FAM120B: variants seen among roughly 807,000 people sequenced by gnomAD.
FAM120B encodes constitutive coactivator of peroxisome proliferator-activated receptor gamma.
FAM120B carries 83 observed loss-of-function variants against 96.3 expected under a neutral mutation model. The observed-to-expected ratio is 0.86, with a 90% CI of 0.72 to 1.03. The LOEUF is 1.03. Among genes scored for constraint, FAM120B ranks in the 50% least tolerant of loss-of-function variants. The probability of loss-of-function intolerance (pLI) is 0.00; values close to 1 mark genes in which losing one functional copy is unlikely to be tolerated. For synonymous variants in FAM120B, 407 were observed against 402.7 expected, an observed-to-expected ratio of 1.01 and a Z score of -0.13; for missense variants, 1,027 against 1,121.2, an observed-to-expected ratio of 0.92 and a Z score of 1.20.
intron 6 of FAM120B, among the ~76,000 whole-genome samples, chr6:170,376,919 C>T (rs1018431215): frequency 1.3e-5 from 2 of 150,050 alleles, no homozygotes; most frequent in African/African-American, 2.5e-5. Context: ...GCTTTGCACA[C>T]GCGTCCCTAA....
At chr6:170,376,557 G>A (rs140981370) in intron 6 of FAM120B, among the ~76,000 whole-genome samples, 1 of 152,244 alleles carries the variant, frequency 6.6e-6, no homozygotes, top group African/African-American at 2.4e-5. Flanking sequence ...ATGACCACGT[G>A]CAGCAGAGCG....
chr6:170,402,715 A>G (rs990045720), intron 9 of FAM120B, among the ~76,000 whole-genome samples: 3 of 152,192 alleles, frequency 2.0e-5, no homozygotes, highest in African/African-American at 4.8e-5. Flanking sequence ...CACCTACAGG[A>G]CCACTTTGAA....
intron 7 of FAM120B, 115 bp from the exon 8 acceptor site, chr6:170,390,898 C>T (rs1583307211): frequency 3.8e-6 from 3 of 798,490 alleles, no homozygotes; most frequent in East Asian, 5.3e-5. Flanking sequence ...ACCATTGCTG[C>T]CTCGCCTTGG....
At chr6:170,295,224 C>T, upstream of FAM120B, 1 of 544,708 alleles carries the variant, frequency 1.8e-6, no homozygotes, top group East Asian at 3.2e-5. The surrounding 1 kb of genome is among the most constrained non-coding windows in gnomAD (Gnocchi z 7.8). Context: ...TGTCTTTGGA[C>T]ACGTGAACAT....
At chr6:170,345,027 T>A (rs1002745118) in intron 4 of FAM120B, among the ~76,000 whole-genome samples, 4 of 152,214 alleles carry the variant, frequency 2.6e-5, no homozygotes, top group Non-Finnish European at 4.4e-5. Flanking sequence ...TTCAGTGTGC[T>A]CCACTGATTG....
chr6:170,385,549 G>A (rs1443757929), intron 6 of FAM120B, among the ~76,000 whole-genome samples: 12 of 152,178 alleles, frequency 7.9e-5, no homozygotes. Flanking sequence ...CTCCCTCCTT[G>A]CTGGTGGGAA....
At chr6:170,295,178 A>G (rs1783967693), upstream of FAM120B, 2 of 493,858 alleles carry the variant, frequency 4.0e-6, no homozygotes, top group South Asian at 6.0e-5. The surrounding 1 kb of genome is among the most constrained non-coding windows in gnomAD (Gnocchi z 7.8). Flanking sequence ...TCCTGGAGCT[A>G]TCATGGTTAC....
At chr6:170,342,185 T>C (rs187548388) in intron 4 of FAM120B, among the ~76,000 whole-genome samples, 1 of 151,858 alleles carries the variant, frequency 6.6e-6, no homozygotes, top group Non-Finnish European at 1.5e-5. Context: ...TTGTTTTTTG[T>C]TTTTTTTCCT....
rs71576512 is a variant in FAM120B, at chr6:170,398,514, G to A, written c.2692+2935G>A. On this transcript the variant is annotated intron_variant, in intron 9 of 10. Transcript: ENST00000476287. ...GTCATAACTCTTAGGAGTGAGTGGGGAAGGTAGAACTATGTCATAACTCTT... is the reference window on the plus strand; with the variant it reads ...GTCATAACTCTTAGGAGTGAGTGGGAAAGGTAGAACTATGTCATAACTCTT... Among the ~76,000 whole-genome samples the A allele has an allele frequency of 1.5e-3, 196 of 133,536 alleles. 1 individual carries two copies. The highest frequency in any genetic ancestry group is 0.01 in the Middle Eastern group (2 of 196). The allele number at this position is 133,536 out of a possible 152,430, so 87.6% of individuals were successfully genotyped here. A position where few individuals can be genotyped will look rare whatever the true frequency, so the allele number is the denominator to read the frequency against.
intron 1 of FAM120B, among the ~76,000 whole-genome samples, chr6:170,312,238 G>C (rs1784637497): frequency 1.3e-5 from 2 of 151,916 alleles, no homozygotes; most frequent in Non-Finnish European, 2.9e-5. Context: ...TTCTGCAAAT[G>C]GTTCGTTTTT....
intron 4 of FAM120B, among the ~76,000 whole-genome samples, chr6:170,340,051 G>A (rs1034492270): frequency 6.6e-6 from 1 of 152,066 alleles, no homozygotes; most frequent in Admixed American, 6.6e-5. Context: ...GTTAGGTTGG[G>A]GAAGTTCTCC....
rs146843731 is a variant in FAM120B at position 170,320,243 on chromosome 6, C to T, written c.1734+1119C>T. The stretch of plus-strand genomic sequence containing the variant: ...GGAAGCTCCTGCTCCTAGTCTGATG[C>T]AAAACTCAGGCCCGGACAGCAGCTG... On this transcript the variant is annotated intron_variant, in intron 2 of 10. Transcript: ENST00000476287. Among the ~76,000 whole-genome samples, 7 of 152,274 alleles carry T rather than the reference C, an allele frequency of 4.6e-5. No homozygotes were observed. In the East Asian group the frequency reaches 1.4e-3, roughly 29 times the overall value.
chr6:170,317,570 C>G lies in FAM120B; in HGVS notation c.180C>G (p.Cys60Trp). ...RYWYTPESWI[C>W]GGQWREYFSA... ...GGTATACTCCAGAATCTTGGATCTGCGGTGGCCAGTGGCGAGAATACTTTT... is the reference window on the plus strand; with the variant it reads ...GGTATACTCCAGAATCTTGGATCTGGGGTGGCCAGTGGCGAGAATACTTTT... The change falls in exon 2 of 11, where the codon TGC becomes TGG. Residue 60 changes from cysteine to tryptophan, a missense_variant. By Grantham distance (215) the Cys-to-Trp change is radical. This residue lies in a region of FAM120B where 880 missense variants were observed against 980.9 expected (regional missense o/e 0.90). Transcript: ENST00000476287. 1 of 1,614,150 alleles carries G rather than the reference C, an allele frequency of 6.2e-7. No homozygotes were observed.
rs181404488 is a variant in FAM120B at position 170,299,817 on chromosome 6, C to T, written c.48+4364C>T. Among the ~76,000 whole-genome samples, 802 of 152,330 alleles carry T rather than the reference C, an allele frequency of 5.3e-3. 9 individuals carry two copies. The highest frequency in any genetic ancestry group is 0.018 in the African/African-American group (729 of 41,566). Reference sequence around the variant, plus strand: ...GCTGGTTGATGTAGTGGCTCTGCCACGTCAAGGCCCAAGTGCTCTCCTTCT... The same window carrying T: ...GCTGGTTGATGTAGTGGCTCTGCCATGTCAAGGCCCAAGTGCTCTCCTTCT... On this transcript the variant is annotated intron_variant, in intron 1 of 10. Transcript: ENST00000537664.
At chr6:170,335,689 T>G (rs1786371996) in intron 4 of FAM120B, among the ~76,000 whole-genome samples, 1 of 152,248 alleles carries the variant, frequency 6.6e-6, no homozygotes, top group Non-Finnish European at 1.5e-5. Context: ...AAAGCATTCC[T>G]ATTTCACCAC....
At chr6:170,328,181 T>C (rs1276652297) in intron 3 of FAM120B, among the ~76,000 whole-genome samples, 1 of 138,988 alleles carries the variant, frequency 7.2e-6, no homozygotes, top group Non-Finnish European at 1.5e-5. Context: ...CAAAAAATTC[T>C]TTCTTTATAT....
Position 170,318,048 on chromosome 6 carries a change from G to C in FAM120B, c.658G>C (p.Ala220Pro), listed in dbSNP as rs969354951. Residue 220 changes from alanine to proline, a missense_variant, in exon 2 of 11, where the codon GCC becomes CCC. Ala to Pro is a conservative substitution (Grantham distance 27). Coordinates refer to ENST00000476287, the MANE Select transcript of FAM120B (RefSeq NM_032448.3). ...CTGTGAGAGTCTGGGCCTCTGTGTG[G>C]CCGACCTTCCTCTTCTGGCCTGCCT... ...KLCESLGLCVADLPLLACLLG... is the reference protein window; with the variant it reads ...KLCESLGLCVPDLPLLACLLG... 6.2e-7 allele frequency: 1 copy of C among 1,614,142 alleles called. No homozygotes were observed.
In FAM120B at chr6:170,295,416, C is replaced by T. The variant is rs1783973425; in HGVS notation, c.11C>T (p.Pro4Leu). 2 of 701,870 alleles carry T rather than the reference C, an allele frequency of 2.8e-6. No homozygotes were observed. The highest frequency in any genetic ancestry group is 4.0e-5 in the Admixed American group (2 of 49,984). 43.5% of individuals were successfully genotyped at this position (701,870 alleles called of 1,614,324 possible). The change falls in exon 1 of 11, where the codon CCT becomes CTT. Residue 4 changes from proline to leucine, a missense_variant. By Grantham distance (98) the Pro-to-Leu change is moderately conservative. Transcript: ENST00000537664. The surrounding 1 kb of genome is among the most constrained non-coding windows in gnomAD (Gnocchi z 7.8). ...GCATCGATCTGGTTTATGTTTGGACCTCGAGGCTCCACCAGCGCTGGCGCA... is the reference window on the plus strand; with the variant it reads ...GCATCGATCTGGTTTATGTTTGGACTTCGAGGCTCCACCAGCGCTGGCGCA...
intron 6 of FAM120B, among the ~76,000 whole-genome samples, chr6:170,382,997 A>C (rs58089767): frequency 0.012 from 1,823 of 152,254 alleles, 30 homozygotes; most frequent in Middle Eastern, 0.041. Flanking sequence ...GACCCACACA[A>C]GTACCACCAG....
Sources: gnomAD v4.1 joint callset for allele counts (sites outside exome capture counted in the v4.1 genomes callset) on GRCh38, gnomAD v4.1.1 for gene constraint, gnomAD v4.1.1 regional missense constraint, Gnocchi (gnomAD v3.1) non-coding constraint, MANE v1.5 for transcripts, NCBI Gene and HGNC (gene_info 2026-07-23, HGNC 2026-07-21) for gene names.